PLXNA4: variants seen among roughly 807,000 people sequenced by gnomAD.
PLXNA4 encodes plexin-A4.
A neutral mutation model predicts 191.8 loss-of-function variants in PLXNA4; 44 were observed. The observed-to-expected ratio is 0.23, with a 90% CI of 0.18 to 0.29. The LOEUF (loss-of-function observed/expected upper bound fraction) is 0.29, where lower values mean the gene tolerates loss of function less well. Ranked by LOEUF, PLXNA4 falls within the 10% of genes least tolerant of loss-of-function variation. The probability of loss-of-function intolerance (pLI) is 1.00; values close to 1 mark genes in which losing one functional copy is unlikely to be tolerated. For synonymous variants in PLXNA4, 1,082 were observed against 1,009.5 expected (o/e 1.07, Z -1.36); for missense variants, 1,800 against 2,488.8 (o/e 0.72, Z 5.89).
At chr7:132,448,042 CA>C (rs1000992566) in intron 3 of PLXNA4, among the ~76,000 whole-genome samples, 16 of 151,798 alleles carry the variant, frequency 1.1e-4, no homozygotes, top group African/African-American at 3.9e-4. Context: ...ACACCTCAAA[CA>C]AAAAAAACGT....
At chr7:132,363,473 T>A (rs1013942065) in intron 3 of PLXNA4, among the ~76,000 whole-genome samples, 3 of 152,236 alleles carry the variant, frequency 2.0e-5, no homozygotes, top group African/African-American at 7.2e-5. Context: ...TTATTTCACT[T>A]AGCATATGTC....
chr7:132,481,589 T>C (rs1797338142), intron 3 of PLXNA4, among the ~76,000 whole-genome samples: 1 of 152,164 alleles, frequency 6.6e-6, no homozygotes, highest in Admixed American at 6.5e-5. Flanking sequence ...ACAATCCTGG[T>C]GCCTACACGG....
intron 14 of PLXNA4, among the ~76,000 whole-genome samples, chr7:132,193,222 G>A (rs1054097760): frequency 1.3e-5 from 2 of 152,118 alleles, no homozygotes; most frequent in Admixed American, 6.5e-5. Context: ...CAAAGAGTGG[G>A]TTTGTTATGA....
chr7:132,392,279 C>T (rs997485871), intron 3 of PLXNA4, among the ~76,000 whole-genome samples: 14 of 152,302 alleles, frequency 9.2e-5, no homozygotes, highest in Middle Eastern at 6.8e-3. Context: ...ATATTTATTA[C>T]ATTAACAAGA....
intron 3 of PLXNA4, among the ~76,000 whole-genome samples, chr7:132,301,630 T>C (rs918830010): frequency 2.0e-5 from 3 of 152,226 alleles, no homozygotes; most frequent in Admixed American, 6.5e-5. Flanking sequence ...TCCGGCACTA[T>C]TGTTTATGTA....
intron 3 of PLXNA4, among the ~76,000 whole-genome samples, chr7:132,430,917 G>A (rs1361448886): frequency 6.6e-6 from 1 of 152,234 alleles, no homozygotes; most frequent in Non-Finnish European, 1.5e-5. Flanking sequence ...ACCGCTGGGT[G>A]AAGCGGAAGA....
intron 1 of PLXNA4, among the ~76,000 whole-genome samples, chr7:132,559,192 C>T (rs1246014492): frequency 3.9e-5 from 6 of 152,122 alleles, no homozygotes; most frequent in Admixed American, 3.9e-4. Context: ...GTATTACATG[C>T]CGAGAACAGT....
intron 3 of PLXNA4, among the ~76,000 whole-genome samples, chr7:132,470,639 G>A (rs1301800048): frequency 1.3e-5 from 2 of 152,174 alleles, no homozygotes; most frequent in Non-Finnish European, 2.9e-5. Flanking sequence ...GACTATCCAG[G>A]TAGGCACACT....
intron 3 of PLXNA4, among the ~76,000 whole-genome samples, chr7:132,366,375 T>C (rs1804185646): frequency 6.6e-6 from 1 of 151,904 alleles, no homozygotes; most frequent in Admixed American, 6.6e-5. Flanking sequence ...AATACAAAAA[T>C]TAGCTGAGTG....
intron 9 of PLXNA4, among the ~76,000 whole-genome samples, chr7:132,216,384 A>G (rs1797962277): frequency 6.6e-6 from 1 of 152,218 alleles, no homozygotes; most frequent in Non-Finnish European, 1.5e-5. Context: ...AAAATGTGGC[A>G]TTCAGCAAAC....
At chr7:132,420,305 G>T (rs1413052396) in intron 3 of PLXNA4, among the ~76,000 whole-genome samples, 1 of 152,212 alleles carries the variant, frequency 6.6e-6, no homozygotes. Context: ...CTCTTTGCTT[G>T]TCTACCCATG....
At chr7:132,429,104 A>G (rs990245745) in intron 3 of PLXNA4, among the ~76,000 whole-genome samples, 1 of 152,164 alleles carries the variant, frequency 6.6e-6, no homozygotes. Flanking sequence ...CATGTAGACT[A>G]CAGAACCACG....
rs919772450 is a variant in PLXNA4 at position 132,181,985 on chromosome 7, T to C, written c.3252+112A>G. 7 of 1,539,158 alleles carry C rather than the reference T, an allele frequency of 4.5e-6. No homozygotes were observed. In the South Asian group the frequency reaches 6.0e-5, roughly 13 times the overall value. ...GTATTCAAGGGTGTCAGGCTGTGGGTTATCAGTGTATGGGCAGGGAGTTAC... is the reference window on the plus strand; with the variant it reads ...GTATTCAAGGGTGTCAGGCTGTGGGCTATCAGTGTATGGGCAGGGAGTTAC... On this transcript the variant is annotated intron_variant, in intron 17 of 31. Coordinates refer to ENST00000321063, the MANE Select transcript of PLXNA4 (RefSeq NM_020911.2).
Position 132,159,602 on chromosome 7 carries a change from T to G in PLXNA4, c.4531A>C (p.Asn1511His). 1 of 1,614,082 alleles carries G rather than the reference T, an allele frequency of 6.2e-7. No homozygotes were observed. Among genetic ancestry groups the G allele is most frequent in the Non-Finnish European group, 8.5e-7 (1 of 1,180,020 alleles). Reference protein sequence around the residue: ...VLSCVSPDNANSPEVPVKILN... With the variant: ...VLSCVSPDNAHSPEVPVKILN... ...ATCTTTACTGGGACCTCGGGGCTGT[T>G]GGCATTGTCTGGGCTGACACAGCTC... The change falls in exon 25 of 32, where the codon AAC (asparagine) becomes CAC (histidine). Residue 1511 changes from asparagine (N) to histidine (H), a missense_variant. By Grantham distance (68) the Asn-to-His change is moderately conservative (BLOSUM62 1). Around this residue, in one of 6 missense-constraint regions of PLXNA4, gnomAD observed 214 missense variants for 298.2 expected, o/e 0.72. Coordinates refer to ENST00000321063, the MANE Select transcript of PLXNA4 (RefSeq NM_020911.2).
chr7:132,490,057 T>C (rs918790670), intron 2 of PLXNA4, among the ~76,000 whole-genome samples: 1 of 152,148 alleles, frequency 6.6e-6, no homozygotes, highest in African/African-American at 2.4e-5. Flanking sequence ...GTGCAGGCAA[T>C]CAGCTGGGGA....
At chr7:132,168,670 C>A in intron 21 of PLXNA4, 98 bp from the exon 22 acceptor site, 1 of 1,443,760 alleles carries the variant, frequency 6.9e-7, no homozygotes. Context: ...ACCCTCTCAT[C>A]CACCAATTAA....
At chr7:132,203,178 G>A (rs1174900314) in intron 11 of PLXNA4, 145 bp downstream of exon 11, 12 of 716,270 alleles carry the variant, frequency 1.7e-5, no homozygotes, top group African/African-American at 1.1e-4. Flanking sequence ...ATGGTGGAGA[G>A]GCTGTGAAGG....
intron 29 of PLXNA4, among the ~76,000 whole-genome samples, chr7:132,143,840 G>A (rs551932739): frequency 8.5e-5 from 13 of 152,324 alleles, no homozygotes; most frequent in South Asian, 6.2e-4. Context: ...ACCCCAGAAC[G>A]AAGGTCTTCT....
intron 1 of PLXNA4, among the ~76,000 whole-genome samples, chr7:132,551,583 G>T (rs1800563856): frequency 6.6e-6 from 1 of 152,152 alleles, no homozygotes; most frequent in African/African-American, 2.4e-5. Context: ...CACAATCAGA[G>T]CTCTCTGCAA....
Sources: allele counts gnomAD v4.1 joint callset (sites outside exome capture counted in the v4.1 genomes callset), GRCh38; gene constraint gnomAD v4.1.1; regional missense constraint gnomAD v4.1.1; transcripts MANE v1.5; gene names NCBI Gene and HGNC (gene_info 2026-07-23, HGNC 2026-07-21).